Variants in FAM117A observed in about 807,000 individuals in gnomAD.
FAM117A encodes protein FAM117A.
In FAM117A, 21 loss-of-function variants were observed where a neutral mutation model predicts 44.1. That is an observed-to-expected ratio of 0.48 (90% CI 0.34 to 0.69). FAM117A has a LOEUF of 0.69. Among genes scored for constraint, FAM117A ranks in the 30% least tolerant of loss-of-function variants. The pLI, the probability that FAM117A is intolerant of heterozygous loss-of-function variation, is 0.01. For synonymous variants in FAM117A, 220 were observed against 238.3 expected (o/e 0.92, Z 0.71); for missense variants, 498 against 589.9 (o/e 0.84, Z 1.61).
chr17:49,719,549 CA>C (rs1186888699), intron 5 of FAM117A: 3 of 525,910 alleles, frequency 5.7e-6, no homozygotes, highest in African/African-American at 2.0e-5. Flanking sequence ...TCTTTGTACT[CA>C]CCACCACAAA....
At chr17:49,786,831 C>G (rs1186398038) in intron 1 of FAM117A, among the ~76,000 whole-genome samples, 1 of 151,036 alleles carries the variant, frequency 6.6e-6, no homozygotes, top group African/African-American at 2.4e-5. Context: ...TGGCTCACAC[C>G]TTAATCCCAG....
At chr17:49,764,372 A>G (rs991240288), upstream of FAM117A, among the ~76,000 whole-genome samples, 5 of 152,250 alleles carry the variant, frequency 3.3e-5, no homozygotes, top group African/African-American at 7.2e-5. Flanking sequence ...TGGCCTGTAC[A>G]GAAGAGGGCT....
intron 1 of FAM117A, among the ~76,000 whole-genome samples, chr17:49,758,380 C>T (rs546422553): frequency 6.7e-6 from 1 of 150,150 alleles, no homozygotes; most frequent in South Asian, 2.1e-4. Context: ...AATCCCAGCA[C>T]TTTGGGAGGC....
chr17:49,766,330 G>A (rs1208688730), upstream of FAM117A, among the ~76,000 whole-genome samples: 1 of 152,218 alleles, frequency 6.6e-6, no homozygotes, highest in Non-Finnish European at 1.5e-5. Context: ...CATCTGTCTA[G>A]TGTTTTATAG....
rs1252328071 is a variant in FAM117A at position 49,720,373 on chromosome 17, G to A, written c.526C>T (p.Arg176Ter). The change falls in exon 4 of 8, where the codon CGA becomes TGA. Residue 176 changes from arginine to a stop codon, truncating the protein, a stop_gained. Coordinates refer to ENST00000240364, the MANE Select transcript of FAM117A (RefSeq NM_030802.4). LOFTEE classifies it high-confidence loss of function. ...KLSRSGKEKE[R>*]GSPLLGDHAV... ...TGGTCCCCTAGGAGTGGTGAACCTC[G>A]CTCCTTCTCTTTCCCACTGCGGCTC... 1 of 1,613,808 alleles carries A rather than the reference G, an allele frequency of 6.2e-7. No homozygotes were observed. The highest frequency in any genetic ancestry group is 8.5e-7 in the Non-Finnish European group (1 of 1,179,994).
chr17:49,719,727 T>G, intron 5 of FAM117A, 33 bp downstream of exon 5: 1 of 1,525,758 alleles, frequency 6.6e-7, no homozygotes, highest in Non-Finnish European at 8.8e-7. Flanking sequence ...AGGCACGGAC[T>G]GTGGGTGCAC....
rs774784231 is a variant in FAM117A at position 49,720,438 on chromosome 17, T to C, written c.463-2A>G. The stretch of plus-strand genomic sequence containing the variant: ...CAGTTGTTGCTTCAACTTGGAAATC[T>C]AGCAGCCCAGAGAGAAGACGACAGA... On this transcript the variant is annotated splice_acceptor_variant, in intron 3 of 7. Coordinates refer to ENST00000240364, the MANE Select transcript of FAM117A (RefSeq NM_030802.4). LOFTEE classifies it high-confidence loss of function. The C allele has an allele frequency of 1.9e-6, 3 of 1,612,256 alleles. No homozygotes were observed. The highest frequency in any genetic ancestry group is 2.5e-6 in the Non-Finnish European group (3 of 1,179,658).
chr17:49,732,818 G>A (rs997551398), intron 1 of FAM117A, 98 bp from the exon 2 acceptor site: 12 of 1,284,568 alleles, frequency 9.3e-6, no homozygotes, highest in Admixed American at 6.2e-5. Flanking sequence ...TGCCTGCCCC[G>A]TCTTCACTCA....
chr17:49,729,806 A>G (rs1378976171), intron 2 of FAM117A, among the ~76,000 whole-genome samples: 1 of 152,046 alleles, frequency 6.6e-6, no homozygotes, highest in African/African-American at 2.4e-5. Context: ...GCCTGGCCAT[A>G]TTAGTCCATT....
At position 49,711,242 on chromosome 17, in the gene FAM117A, A is replaced by AG; in HGVS notation, c.*12dup. The AG allele has an allele frequency of 4.4e-6, 7 of 1,579,936 alleles. No homozygotes were observed. The highest frequency in any genetic ancestry group is 6.0e-6 in the Non-Finnish European group (7 of 1,161,632). On this transcript the variant is annotated 3_prime_UTR_variant, in exon 8 of 8. Transcript: ENST00000240364. ...ACTGGTCTCTATGGTAAAGTGGGGCAGGGGTGGGACCCTCAGACCATCAGG... is the reference window on the plus strand; with the variant it reads ...ACTGGTCTCTATGGTAAAGTGGGGCAGGGGGTGGGACCCTCAGACCATCAGG...
chr17:49,764,277 T>C, upstream of FAM117A: 3 of 349,916 alleles, frequency 8.6e-6, no homozygotes, highest in Admixed American at 1.4e-4. Flanking sequence ...CTGAGGATGA[T>C]TGGTCGATGA....
chr17:49,769,731 T>C (rs1199265565), intron 1 of FAM117A, among the ~76,000 whole-genome samples: 1 of 151,616 alleles, frequency 6.6e-6, no homozygotes, highest in Admixed American at 6.6e-5. Context: ...AATAAATAAA[T>C]AATAAATAAA....
intron 1 of FAM117A, among the ~76,000 whole-genome samples, chr17:49,734,602 TAAATA>T (rs778452098): frequency 9.3e-5 from 14 of 150,546 alleles, no homozygotes; most frequent in Non-Finnish European, 1.6e-4. Context: ...AAAAAATAAA[TAAATA>T]AAAATAAAAA....
intron 1 of FAM117A, among the ~76,000 whole-genome samples, chr17:49,758,621 CAAA>C (rs1182238605): frequency 3.2e-4 from 30 of 93,868 alleles, no homozygotes; most frequent in African/African-American, 1.5e-3. Flanking sequence ...GAGACTGTCT[CAAA>C]AAAAAAAAAA....
At chr17:49,756,582 C>G (rs1417352255) in intron 1 of FAM117A, among the ~76,000 whole-genome samples, 1 of 150,392 alleles carries the variant, frequency 6.6e-6, no homozygotes, top group Non-Finnish European at 1.5e-5. Context: ...GGATTCCAAC[C>G]TGGGTGATGA....
chr17:49,732,896 C>T (rs1349240078), intron 1 of FAM117A, 176 bp from the exon 2 acceptor site: 2 of 631,110 alleles, frequency 3.2e-6, no homozygotes, highest in Non-Finnish European at 5.4e-6. Context: ...CAAGACCTTT[C>T]CTGACCTACT....
chr17:49,715,938 T>G (rs1347218131), intron 7 of FAM117A, among the ~76,000 whole-genome samples: 3 of 152,228 alleles, frequency 2.0e-5, no homozygotes, highest in Admixed American at 2.0e-4. Context: ...CTGCTGCGCT[T>G]GTGGCTGGCA....
In FAM117A at chr17:49,732,865, G is replaced by T. The variant is rs946948201; in HGVS notation, c.197-145C>A. The T allele has an allele frequency of 4.0e-5, 33 of 825,736 alleles. No homozygotes were observed. The East Asian group carries it at 8.3e-4, about 21-fold the overall frequency. The allele number at this position is 825,736 out of a possible 1,614,324, so 51.2% of individuals were successfully genotyped here. A position where few individuals can be genotyped will look rare whatever the true frequency, so the allele number is the denominator to read the frequency against. On this transcript the variant is annotated intron_variant, in intron 1 of 7. Coordinates refer to ENST00000240364, the MANE Select transcript of FAM117A (RefSeq NM_030802.4). ...GTCCTAAAAGAATTTGAAGCAGCCT[G>T]AAACAGCACATATGGTCTGACAAGA...
At chr17:49,754,829 G>C (rs562445300) in intron 1 of FAM117A, among the ~76,000 whole-genome samples, 1 of 151,616 alleles carries the variant, frequency 6.6e-6, no homozygotes, top group Non-Finnish European at 1.5e-5. Flanking sequence ...ACCTGAGGTC[G>C]GGAGTTCGAG....
Sources: gnomAD v4.1 joint callset for allele counts (sites outside exome capture counted in the v4.1 genomes callset) on GRCh38, gnomAD v4.1.1 for gene constraint, MANE v1.5 for transcripts, NCBI Gene and HGNC (gene_info 2026-07-23, HGNC 2026-07-21) for gene names.